RABGEF1: variants seen among roughly 807,000 people sequenced by gnomAD.
RABGEF1 encodes the protein RAB guanine nucleotide exchange factor 1.
RABGEF1 carries 26 observed loss-of-function variants against 57.3 expected under a neutral mutation model. That is an observed-to-expected ratio of 0.45 (90% CI 0.33 to 0.63). The LOEUF (loss-of-function observed/expected upper bound fraction) is 0.63, where lower values mean the gene tolerates loss of function less well. RABGEF1 is among the 20% of genes least tolerant of loss of function. RABGEF1 has a pLI of 0.02. For synonymous variants in RABGEF1, 185 were observed against 210.7 expected (o/e 0.88, Z 1.06); for missense variants, 464 against 607.6 (o/e 0.76, Z 2.48).
chr7:66,760,082 A>G (rs1381402391), intron 1 of RABGEF1, among the ~76,000 whole-genome samples: 1 of 152,228 alleles, frequency 6.6e-6, no homozygotes, highest in Non-Finnish European at 1.5e-5. Context: ...ACCAAGGGCC[A>G]GTCTAACCCA....
At chr7:66,701,371 G>A (rs60326618) in intron 1 of RABGEF1, among the ~76,000 whole-genome samples, 15,701 of 152,058 alleles carry the variant, frequency 0.1, 989 homozygotes, top group South Asian at 0.2. Context: ...GCATGGTGGC[G>A]CACACCAGTA....
chr7:66,750,644 C>T (rs1801199975), intron 1 of RABGEF1, among the ~76,000 whole-genome samples: 1 of 152,158 alleles, frequency 6.6e-6, no homozygotes, highest in African/African-American at 2.4e-5. Flanking sequence ...ATAATATACA[C>T]ACATATAATG....
At chr7:66,663,998 C>T in the RABGEF1 span, among the ~76,000 whole-genome samples, 5 of 147,330 alleles carry the variant, frequency 3.4e-5, no homozygotes, top group South Asian at 2.3e-4. Context: ...TGCTTGAACC[C>T]GGGAGGTGGA....
rs1211742524 is a variant in RABGEF1 at position 66,762,598 on chromosome 7, A to G, written c.-17-9285A>G. Among the ~76,000 whole-genome samples, 11 of 151,966 alleles carry G rather than the reference A, an allele frequency of 7.2e-5. No individual in the cohort carries two copies. In the South Asian group the frequency reaches 1.5e-3, roughly 20 times the overall value. On this transcript the variant is annotated intron_variant, in intron 1 of 8. Transcript: ENST00000284957. ...GGTGAGACCCTGTCTCAAGAAAAGAAAAGAAAAAAAGAAAAAAAAGAAATA... is the reference window on the plus strand; with the variant it reads ...GGTGAGACCCTGTCTCAAGAAAAGAGAAGAAAAAAAGAAAAAAAAGAAATA...
At chr7:66,682,205 A>ACGGCGCAGACGCGGGCGAGCTG (rs1789846698) in exon 1 of RABGEF1, 1 of 167,126 alleles carries the variant, frequency 6.0e-6, no homozygotes, top group African/African-American at 2.4e-5. Context: ...GACCTGGACC[A>ACGGCGCAGACGCGGGCGAGCTG]CGGCGCAGAC....
At chr7:66,742,285 C>A (rs1284168274) in intron 1 of RABGEF1, among the ~76,000 whole-genome samples, 4 of 152,066 alleles carry the variant, frequency 2.6e-5, no homozygotes, top group African/African-American at 7.2e-5. Context: ...GATTCATATC[C>A]GCAGGATTAA....
At chr7:66,701,562 G>A (rs1793270394) in intron 1 of RABGEF1, among the ~76,000 whole-genome samples, 1 of 149,770 alleles carries the variant, frequency 6.7e-6, no homozygotes. Context: ...AGGCTGGAGT[G>A]CAATGGTGTA....
At chr7:66,764,524 T>C (rs1805221552) in intron 1 of RABGEF1, among the ~76,000 whole-genome samples, 1 of 152,214 alleles carries the variant, frequency 6.6e-6, no homozygotes, top group Non-Finnish European at 1.5e-5. Flanking sequence ...AAACATCCTT[T>C]GTCAAATCCA....
chr7:66,771,433 C>T (rs796781270), intron 1 of RABGEF1, among the ~76,000 whole-genome samples: 59 of 152,268 alleles, frequency 3.9e-4, no homozygotes, highest in African/African-American at 1.3e-3. Context: ...GCCACCACAC[C>T]GGCCTGTGCA....
intron 1 of RABGEF1, among the ~76,000 whole-genome samples, chr7:66,761,222 T>C (rs1030593543): frequency 5.9e-5 from 9 of 152,138 alleles, no homozygotes; most frequent in Admixed American, 4.6e-4. Context: ...CTTCCTGCAC[T>C]ATCTACCAGG....
chr7:66,800,392 TC>T (rs1787011887), intron 7 of RABGEF1, among the ~76,000 whole-genome samples: 1 of 152,232 alleles, frequency 6.6e-6, no homozygotes, highest in South Asian at 2.1e-4. Context: ...ATGTGATTCT[TC>T]CACTTTCTCG....
At chr7:66,720,951 T>C (rs1226310453) in intron 2 of RABGEF1, among the ~76,000 whole-genome samples, 2 of 152,236 alleles carry the variant, frequency 1.3e-5, no homozygotes, top group Non-Finnish European at 2.9e-5. Flanking sequence ...AGAGTCTTAC[T>C]CTGTCGCCCA....
chr7:66,806,310 C>T (rs929667451), intron 8 of RABGEF1, among the ~76,000 whole-genome samples: 1 of 152,158 alleles, frequency 6.6e-6, no homozygotes, highest in Non-Finnish European at 1.5e-5. Context: ...TATGTATTCA[C>T]ATTTATACCT....
At chr7:66,782,804 A>G (rs940525386) in intron 3 of RABGEF1, among the ~76,000 whole-genome samples, 1 of 152,104 alleles carries the variant, frequency 6.6e-6, no homozygotes, top group African/African-American at 2.4e-5. Context: ...AATAAAACAT[A>G]CTTTTAAAAA....
At chr7:66,659,216 G>T in the RABGEF1 span, among the ~76,000 whole-genome samples, 2 of 152,218 alleles carry the variant, frequency 1.3e-5, no homozygotes, top group Admixed American at 6.5e-5. Context: ...ACTTTGGGAG[G>T]CCAAGGTGGG....
intron 2 of RABGEF1, among the ~76,000 whole-genome samples, chr7:66,716,289 T>C (rs898282489): frequency 6.6e-6 from 1 of 152,172 alleles, no homozygotes; most frequent in Non-Finnish European, 1.5e-5. Context: ...TTTAAACTTA[T>C]AATCTACCTA....
chr7:66,773,599 G>A, intron 2 of RABGEF1: 1 of 443,174 alleles, frequency 2.3e-6, no homozygotes, highest in South Asian at 1.6e-5. Context: ...GCCTGGTGAT[G>A]CTGCGCTGCT....
rs1052314368 is a variant in RABGEF1 at position 66,806,423 on chromosome 7, A to G, written c.1077+1027A>G. On this transcript the variant is annotated intron_variant, in intron 8 of 8. Transcript: ENST00000284957. ...CTTGGACCTGCCCCCATCACTCATC[A>G]CCCTCCAGCATTGTGTTCAGCTACA... Among the ~76,000 whole-genome samples the G allele has an allele frequency of 5.3e-5, 8 of 151,720 alleles. No individual in the cohort carries two copies. In the East Asian group the frequency reaches 1.4e-3, roughly 26 times the overall value.
chr7:66,752,787 A>G (rs117888257), intron 1 of RABGEF1, among the ~76,000 whole-genome samples: 6,791 of 152,300 alleles, frequency 0.045, 298 homozygotes, highest in Admixed American at 0.12. Flanking sequence ...ATATTGATGT[A>G]CATTCAAGTC....
Sources: gnomAD v4.1 joint callset for allele counts (sites outside exome capture counted in the v4.1 genomes callset) on GRCh38, gnomAD v4.1.1 for gene constraint, MANE v1.5 for transcripts, NCBI Gene and HGNC (gene_info 2026-07-23, HGNC 2026-07-21) for gene names.